Variants in GLB1L2 observed in about 807,000 individuals in gnomAD.
GLB1L2 encodes beta-galactosidase-1-like protein 2.
Under a neutral mutation model 84.1 loss-of-function variants are expected in GLB1L2, and 68 were observed. The observed-to-expected ratio is 0.81, with a 90% CI of 0.67 to 0.99. The LOEUF is 0.99. Among genes scored for constraint, GLB1L2 ranks in the 50% least tolerant of loss-of-function variants. GLB1L2 has a pLI of 0.00. For synonymous variants in GLB1L2, 290 were observed against 318.0 expected, an observed-to-expected ratio of 0.91 and a Z score of 0.94; for missense variants, 762 against 805.6, an observed-to-expected ratio of 0.95 and a Z score of 0.66.
At chr11:134,343,600 T>C (rs1304337704) in intron 2 of GLB1L2, among the ~76,000 whole-genome samples, 1 of 152,196 alleles carries the variant, frequency 6.6e-6, no homozygotes, top group African/African-American at 2.4e-5. Flanking sequence ...ATCAAGGAGA[T>C]GGCTTTTCAT....
At chr11:134,364,467 C>T in intron 8 of GLB1L2, 69 bp downstream of exon 8, 2 of 1,211,992 alleles carry the variant, frequency 1.7e-6, no homozygotes, top group Non-Finnish European at 2.4e-6. Context: ...GAATGCCTGT[C>T]AGCGTGCTCA....
intron 1 of GLB1L2, among the ~76,000 whole-genome samples, chr11:134,332,387 G>A (rs1943313573): frequency 1.3e-5 from 2 of 152,024 alleles, no homozygotes; most frequent in African/African-American, 4.8e-5. Flanking sequence ...CGGCGTCTGT[G>A]CCCCGAGCCG....
At chr11:134,361,313 C>T (rs962667358) in intron 7 of GLB1L2, 6 of 152,032 alleles carry the variant, frequency 3.9e-5, no homozygotes, top group Admixed American at 1.3e-4. Flanking sequence ...GTGACAAGAG[C>T]AAAACTCCGT....
rs571537046 is a variant in GLB1L2, at chr11:134,367,641, A to G, written c.889+300A>G. Among the ~76,000 whole-genome samples, 132 of 152,200 alleles carry G rather than the reference A, an allele frequency of 8.7e-4. 2 individuals are homozygous for G. Among genetic ancestry groups the G allele is most frequent in the Non-Finnish European group, 1.7e-3 (113 of 68,042 alleles). ...AATAAAATTCCCAGAGCACAGAGAAAACACTTAGCTGTTTACCACGCAGGC... is the reference window on the plus strand; with the variant it reads ...AATAAAATTCCCAGAGCACAGAGAAGACACTTAGCTGTTTACCACGCAGGC... On this transcript the variant is annotated intron_variant, in intron 9 of 18. Transcript: ENST00000535456.
chr11:134,347,215 G>C lies in GLB1L2; in HGVS notation c.450-110G>C, dbSNP rs1292375389. The C allele has an allele frequency of 3.7e-6, 3 of 821,810 alleles. No homozygotes were observed. The African/African-American group carries it at 5.0e-5, about 14-fold the overall frequency. 50.9% of individuals were successfully genotyped at this position (821,810 alleles called of 1,614,324 possible). ...GCTCAGTGGGGTGGAGGAGGGCACA[G>C]GTCATTCTGGAGCACTGGGGGGCCT... On this transcript the variant is annotated intron_variant, in intron 4 of 18. Coordinates refer to ENST00000535456, the MANE Select transcript of GLB1L2 (RefSeq NM_001370461.1).
intron 5 of GLB1L2, among the ~76,000 whole-genome samples, chr11:134,351,341 C>CTTTT (rs1456314422): frequency 7.8e-6 from 1 of 127,688 alleles, no homozygotes. Flanking sequence ...GATTCTTTTT[C>CTTTT]TTTCTTTTTT....
Position 134,373,716 on chromosome 11 carries a change from C to G in GLB1L2, c.1508-5C>G, listed in dbSNP as rs754654137. On this transcript the variant is annotated splice_polypyrimidine_tract_variant and splice_region_variant and intron_variant, in intron 15 of 18. Transcript: ENST00000535456. Reference sequence around the variant, plus strand: ...CTACCCACGTGTCCTGCCTCCCTCCCACAGGCTTAATTGGAAATCTCTATC... The same window carrying G: ...CTACCCACGTGTCCTGCCTCCCTCCGACAGGCTTAATTGGAAATCTCTATC... The G allele has an allele frequency of 6.2e-7, 1 of 1,604,740 alleles. No individual in the cohort carries two copies. Among genetic ancestry groups the G allele is most frequent in the East Asian group, 2.2e-5 (1 of 44,836 alleles).
At chr11:134,368,086 T>A (rs936053108) in intron 9 of GLB1L2, among the ~76,000 whole-genome samples, 6 of 152,186 alleles carry the variant, frequency 3.9e-5, no homozygotes, top group African/African-American at 7.2e-5. Context: ...TCCCACAGAT[T>A]CAGCAACACC....
intron 4 of GLB1L2, chr11:134,346,826 G>GCACAGCCCA (rs1341001985): frequency 0.013 from 2,194 of 166,420 alleles, 55 homozygotes; most frequent in African/African-American, 0.05. Context: ...TCTGGGCTGT[G>GCACAGCCCA]CGCCACTGAT....
intron 5 of GLB1L2, among the ~76,000 whole-genome samples, chr11:134,353,223 A>G (rs1943656734): frequency 6.6e-6 from 1 of 152,012 alleles, no homozygotes; most frequent in South Asian, 2.1e-4. Flanking sequence ...AGCTTGGCCA[A>G]CATGTTGAAA....
chr11:134,355,821 C>T (rs1004410800), intron 5 of GLB1L2, among the ~76,000 whole-genome samples: 5 of 152,182 alleles, frequency 3.3e-5, no homozygotes, highest in East Asian at 1.9e-4. Flanking sequence ...GAAACCAGTA[C>T]GTTGGGCAGA....
intron 14 of GLB1L2, 44 bp from the exon 15 acceptor site, chr11:134,371,708 C>T (rs749590581): frequency 2.5e-6 from 4 of 1,589,036 alleles, no homozygotes; most frequent in Non-Finnish European, 3.5e-6. Flanking sequence ...TGAGGGGCAG[C>T]TGTGGCCTTC....
Position 134,364,336 on chromosome 11 carries a change from AC to A in GLB1L2, c.744del (p.Ile249SerfsTer12), listed in dbSNP as rs1565440763. Reference protein sequence around the residue: ...SKGIVQGVLATINLQSTHELQ... With the variant: ...SKGIVQGVLAXINLQSTHELQ... Reference sequence around the variant, plus strand: ...CCTCTTCCCTTTAACAGTCTTGGCCACCATCAACTTGCAGTCAACACACGAG... The same window carrying A: ...CCTCTTCCCTTTAACAGTCTTGGCCACATCAACTTGCAGTCAACACACGAG... On this transcript the variant is annotated frameshift_variant, in exon 8 of 19. Transcript: ENST00000535456. LOFTEE classifies it high-confidence loss of function. The A allele has an allele frequency of 6.2e-7, 1 of 1,613,738 alleles. No homozygotes were observed.
chr11:134,373,975 A>G (rs1042180616), intron 16 of GLB1L2, among the ~76,000 whole-genome samples, 167 bp downstream of exon 16: 3 of 152,150 alleles, frequency 2.0e-5, no homozygotes, highest in African/African-American at 7.2e-5. Flanking sequence ...TAGAAGCCGC[A>G]TTTGCAGACT....
chr11:134,341,961 C>T (rs527627872), intron 1 of GLB1L2, among the ~76,000 whole-genome samples: 134 of 72,578 alleles, frequency 1.8e-3, no homozygotes, highest in African/African-American at 5.6e-3. Context: ...CTCAGCCACC[C>T]AGCACCGGCT....
rs563032602 is a variant in GLB1L2 at position 134,343,937 on chromosome 11, G to A, written c.285-450G>A. ...ATGAGTCGTCCCTTCCGCCTCTCGAGTTGAGCCTGTCCATGAGCCTGCTCC... is the reference window on the plus strand; with the variant it reads ...ATGAGTCGTCCCTTCCGCCTCTCGAATTGAGCCTGTCCATGAGCCTGCTCC... On this transcript the variant is annotated intron_variant, in intron 2 of 18. Transcript: ENST00000535456. 2.0e-5 allele frequency among the ~76,000 whole-genome samples: 3 copies of A among 152,338 alleles called. 1 individual carries two copies. The highest frequency in any genetic ancestry group is 7.2e-5 in the African/African-American group (3 of 41,572).
chr11:134,334,344 T>TC lies in GLB1L2; in HGVS notation c.86+2198dup, dbSNP rs1286099485. 6.6e-6 allele frequency among the ~76,000 whole-genome samples: 1 copy of TC among 152,184 alleles called. No homozygotes were observed. The highest frequency in any genetic ancestry group is 1.5e-5 in the Non-Finnish European group (1 of 68,038). On this transcript the variant is annotated intron_variant, in intron 1 of 18. Transcript: ENST00000535456. The surrounding 1 kb of genome is among the most constrained non-coding windows in gnomAD (Gnocchi z 4.1). ...GTTTGGCTATAGCTTTTCTTTTTTTTCATCAACTTTTCCTTGGGCTGGTTC... is the reference window on the plus strand; with the variant it reads ...GTTTGGCTATAGCTTTTCTTTTTTTTCCATCAACTTTTCCTTGGGCTGGTTC...
At position 134,370,423 on chromosome 11, in the gene GLB1L2, G is replaced by A. The variant is rs773526799; in HGVS notation, c.1215+24G>A. 4 of 1,574,732 alleles carry A rather than the reference G, an allele frequency of 2.5e-6. No homozygotes were observed. The East Asian group carries it at 9.0e-5, about 35-fold the overall frequency. ...AGGTGAGTGCTGTGGGCAGTCATCG[G>A]GAGGTGAGTGAGTGCCGGGGGCAGT... is the stretch of plus-strand genomic sequence containing the variant. On this transcript the variant is annotated intron_variant, in intron 12 of 18. Transcript: ENST00000535456. The surrounding 1 kb of genome is among the most constrained non-coding windows in gnomAD (Gnocchi z 4.7).
chr11:134,364,240 G>A, intron 7 of GLB1L2, 88 bp from the exon 8 acceptor site: 1 of 973,950 alleles, frequency 1.0e-6, no homozygotes, highest in African/African-American at 1.6e-5. Context: ...TTATTGTGCT[G>A]GTGGATTGAG....
Sources: allele counts gnomAD v4.1 joint callset (sites outside exome capture counted in the v4.1 genomes callset), GRCh38; gene constraint gnomAD v4.1.1; non-coding constraint Gnocchi (gnomAD v3.1); transcripts MANE v1.5; gene names NCBI Gene and HGNC (gene_info 2026-07-23, HGNC 2026-07-21).